Variants in KIF13B observed in about 807,000 individuals in gnomAD.
The protein encoded by KIF13B is kinesin-like protein KIF13B.
KIF13B carries 127 observed loss-of-function variants against 222.0 expected under a neutral mutation model. The ratio of observed to expected loss-of-function variants is 0.57; its 90% CI spans 0.50 to 0.66. The LOEUF is 0.66. Ranked by LOEUF, KIF13B falls within the 30% of genes least tolerant of loss-of-function variation. The probability of loss-of-function intolerance (pLI) is 0.00; values close to 1 mark genes in which losing one functional copy is unlikely to be tolerated. For missense variants in KIF13B, 2,173 were observed against 2,379.0 expected (o/e 0.91, Z 1.80); for synonymous variants, 976 against 919.0 (o/e 1.06, Z -1.12).
At chr8:29,073,862 G>A (rs4732901) in intron 38 of KIF13B, among the ~76,000 whole-genome samples, 131,794 of 152,180 alleles carry the variant, frequency 0.87, 57,777 homozygotes, top group Non-Finnish European at 0.94. Context: ...CATTTTTGTG[G>A]TGAATCTCTA....
At chr8:29,233,614 A>C (rs1007585759) in intron 2 of KIF13B, among the ~76,000 whole-genome samples, 1 of 152,244 alleles carries the variant, frequency 6.6e-6, no homozygotes, top group Non-Finnish European at 1.5e-5. Context: ...ACTCTTAAAT[A>C]TTAGTGAGGG....
chr8:29,205,909 T>A (rs1380896426), intron 2 of KIF13B, among the ~76,000 whole-genome samples: 10 of 91,250 alleles, frequency 1.1e-4, no homozygotes, highest in African/African-American at 4.2e-4. Context: ...ATAGCAAAAC[T>A]CCATTTCTAC....
chr8:29,228,993 C>G (rs1563808681), intron 2 of KIF13B, among the ~76,000 whole-genome samples: 1 of 146,388 alleles, frequency 6.8e-6, no homozygotes, highest in Non-Finnish European at 1.5e-5. Context: ...TCCTGATAAA[C>G]ACACAGAGGG....
intron 37 of KIF13B, among the ~76,000 whole-genome samples, chr8:29,076,194 C>T (rs1807550608): frequency 6.6e-6 from 1 of 152,226 alleles, no homozygotes; most frequent in Admixed American, 6.5e-5. Flanking sequence ...CAGATGTGCT[C>T]ATCCCAGAAG....
rs767497362 is a variant in KIF13B at position 29,248,887 on chromosome 8, C to T, written c.56-3448G>A. Among the ~76,000 whole-genome samples, 86 of 152,144 alleles carry T rather than the reference C, an allele frequency of 5.7e-4. 1 individual carries two copies. Among genetic ancestry groups the T allele is most frequent in the African/African-American group, 2.4e-5 (1 of 41,420 alleles). ...GTTGTCTAGGGCCAAGGAGTGACTG[C>T]TAACAGGTACAGTTTTCTTTCAGGG... On this transcript the variant is annotated intron_variant, in intron 1 of 39. Coordinates refer to ENST00000524189, the MANE Select transcript of KIF13B (RefSeq NM_015254.4).
chr8:29,075,332 G>A lies in KIF13B; in HGVS notation c.4470C>T (p.Arg1490=), dbSNP rs1392375763. The A allele has an allele frequency of 3.8e-6, 6 of 1,559,188 alleles. No individual in the cohort carries two copies. The highest frequency in any genetic ancestry group is 5.2e-6 in the Non-Finnish European group (6 of 1,151,016). Residue 1490 remains arginine (R), a synonymous_variant, in exon 38 of 40, where the codon CGC becomes CGT. Coordinates refer to ENST00000524189, the MANE Select transcript of KIF13B (RefSeq NM_015254.4). ...CCGGGCTGGCTGACTGCACCATGAT[G>A]CGGGGCACGGGCTGAGGAGGCAAGT... ...PSPLAHQPVP[R]IMVQSASPDI...
intron 2 of KIF13B, 134 bp downstream of exon 2, chr8:29,245,212 A>G: frequency 1.5e-6 from 1 of 675,580 alleles, no homozygotes. Flanking sequence ...ACTTGAGTAC[A>G]GGCTCACAGA....
In KIF13B at chr8:29,075,031, G is replaced by A. The variant is rs1040138103; in HGVS notation, c.4521+250C>T. Among the ~76,000 whole-genome samples the A allele has an allele frequency of 2.6e-5, 4 of 152,182 alleles. No homozygotes were observed. The South Asian group carries it at 6.2e-4, about 24-fold the overall frequency. On this transcript the variant is annotated intron_variant, in intron 38 of 39. Transcript: ENST00000524189. ...TAGAAATCTCCTCTGCCTAGCTGTG[G>A]GCTATTAAGGCAGCAGACTACATTA... is the stretch of plus-strand genomic sequence containing the variant.
intron 2 of KIF13B, among the ~76,000 whole-genome samples, chr8:29,214,993 G>C (rs79273672): frequency 1.2e-3 from 177 of 152,294 alleles, no homozygotes; most frequent in African/African-American, 3.9e-3. Context: ...ATAATACTCT[G>C]CTGGAGAGAC....
chr8:29,126,166 G>C (rs1810099337), intron 26 of KIF13B, among the ~76,000 whole-genome samples: 2 of 152,172 alleles, frequency 1.3e-5, no homozygotes, highest in South Asian at 2.1e-4. Flanking sequence ...ACTATAATAG[G>C]GGCAACGAGT....
At chr8:29,193,529 T>A (rs1813281972) in intron 3 of KIF13B, among the ~76,000 whole-genome samples, 1 of 152,228 alleles carries the variant, frequency 6.6e-6, no homozygotes, top group East Asian at 1.9e-4. Flanking sequence ...ATTCTGTTCT[T>A]AATAAGGCTA....
In KIF13B at chr8:29,134,124, C is replaced by T. The variant is rs200740762; in HGVS notation, c.2700G>A (p.Pro900=). The change falls in exon 22 of 40, where the codon CCG becomes CCA. Residue 900 remains proline (P), a synonymous_variant. Transcript: ENST00000524189. The part of the protein sequence containing the change: ...CKYSFWDQQE[P]VIVAPEVDTS... ...TGTCCACTTCAGGAGCGACAATCAC[C>T]GGCTCCTGTTGATCCCAGAAGCTGT... The T allele has an allele frequency of 8.4e-5, 136 of 1,613,744 alleles. 1 individual carries two copies. The highest frequency in any genetic ancestry group is 1.9e-4 in the South Asian group (17 of 91,082).
intron 2 of KIF13B, among the ~76,000 whole-genome samples, chr8:29,198,520 A>T (rs1813540956): frequency 6.6e-6 from 1 of 152,038 alleles, no homozygotes; most frequent in Admixed American, 6.5e-5. Flanking sequence ...ATGGGGTTTC[A>T]CCATGTTGGC....
chr8:29,222,440 G>A (rs780096555), intron 2 of KIF13B, among the ~76,000 whole-genome samples: 9 of 147,134 alleles, frequency 6.1e-5, no homozygotes, highest in South Asian at 2.2e-4. Context: ...TCAATCTGTC[G>A]CCCAGGCTAA....
rs1563704718 is a variant in KIF13B at position 29,105,661 on chromosome 8, T to TG, written c.4215+2477_4215+2478insC. ...GCAGAGTTTGTTTGGTTTTTTTTTT[T>TG]TTTTTTTTTTTTTTTGAGACAGAGT... On this transcript the variant is annotated intron_variant, in intron 35 of 39. Coordinates refer to ENST00000524189, the MANE Select transcript of KIF13B (RefSeq NM_015254.4). Among the ~76,000 whole-genome samples, 6 of 129,000 alleles carry TG rather than the reference T, an allele frequency of 4.7e-5. No individual in the cohort carries two copies. The East Asian group carries it at 6.5e-4, about 14-fold the overall frequency. The allele number at this position is 129,000 out of a possible 152,430, so 84.6% of individuals were successfully genotyped here. A position where few individuals can be genotyped will look rare whatever the true frequency, so the allele number is the denominator to read the frequency against.
intron 7 of KIF13B, among the ~76,000 whole-genome samples, chr8:29,181,242 G>C (rs1448096261): frequency 6.6e-6 from 1 of 152,144 alleles, no homozygotes; most frequent in African/African-American, 2.4e-5. Context: ...AAGGAATCTA[G>C]GTCCCTAATA....
chr8:29,257,602 G>A (rs1025698396), intron 1 of KIF13B, among the ~76,000 whole-genome samples: 6 of 152,060 alleles, frequency 3.9e-5, no homozygotes, highest in African/African-American at 1.4e-4. Flanking sequence ...CTTGAAAAGA[G>A]GTCTGGCCAG....
rs1258927205 is a variant in KIF13B at position 29,071,993 on chromosome 8, G to T, written c.4845C>A (p.Ala1615=). Residue 1615 remains alanine (A), a synonymous_variant, in exon 39 of 40, where the codon GCC becomes GCA. Coordinates refer to ENST00000524189, the MANE Select transcript of KIF13B (RefSeq NM_015254.4). The surrounding 1 kb of genome is among the most constrained non-coding windows in gnomAD (Gnocchi z 4.9). Reference sequence around the variant, plus strand: ...GGCCAGGGGGCTCCTCGGCGGGGACGGCCGTGGGCGGTGGGGGGTGGCTGA... The same window carrying T: ...GGCCAGGGGGCTCCTCGGCGGGGACTGCCGTGGGCGGTGGGGGGTGGCTGA... ...APISHPPPPT[A]VPAEEPPGPQ... The T allele has an allele frequency of 7.7e-7, 1 of 1,291,328 alleles. No individual in the cohort carries two copies. Among genetic ancestry groups the T allele is most frequent in the Non-Finnish European group, 9.8e-7 (1 of 1,022,284 alleles). The allele number at this position is 1,291,328 out of a possible 1,614,324, so 80.0% of individuals were successfully genotyped here. A position where few individuals can be genotyped will look rare whatever the true frequency, so the allele number is the denominator to read the frequency against.
At position 29,122,862 on chromosome 8, in the gene KIF13B, C is replaced by T. The variant is rs1435120584; in HGVS notation, c.3480-216G>A. On this transcript the variant is annotated intron_variant, in intron 28 of 39. Transcript: ENST00000524189. ...CATTTGAACTTAGCCTTATAAGACA[C>T]TACCTGTTTGTAGTGAAGTTCTCTT... 2.6e-5 allele frequency among the ~76,000 whole-genome samples: 4 copies of T among 152,214 alleles called. No individual in the cohort carries two copies. In the East Asian group the frequency reaches 7.7e-4, roughly 29 times the overall value.
Sources: gnomAD v4.1 joint callset for allele counts (sites outside exome capture counted in the v4.1 genomes callset) on GRCh38, gnomAD v4.1.1 for gene constraint, Gnocchi (gnomAD v3.1) non-coding constraint, MANE v1.5 for transcripts, NCBI Gene and HGNC (gene_info 2026-07-23, HGNC 2026-07-21) for gene names.